KCNK2: variants seen among roughly 807,000 people sequenced by gnomAD.
KCNK2 encodes potassium two pore domain channel subfamily K member 2.
KCNK2 carries 21 observed loss-of-function variants against 40.5 expected under a neutral mutation model. The ratio of observed to expected loss-of-function variants is 0.52; its 90% CI spans 0.37 to 0.75. The LOEUF (loss-of-function observed/expected upper bound fraction) is 0.75, where lower values mean the gene tolerates loss of function less well. KCNK2 is among the 30% of genes least tolerant of loss of function. KCNK2 has a pLI of 0.00. For missense variants in KCNK2, 399 were observed against 531.6 expected (o/e 0.75, Z 2.45); for synonymous variants, 191 against 202.2 (o/e 0.94, Z 0.47).
chr1:215,105,401 A>G (rs534060192), intron 2 of KCNK2, among the ~76,000 whole-genome samples: 27 of 152,216 alleles, frequency 1.8e-4, no homozygotes, highest in Admixed American at 6.5e-4. Context: ...AGCATGTAAC[A>G]GGGTTTCCTT....
chr1:215,034,500 GT>G (rs531445743), intron 1 of KCNK2, among the ~76,000 whole-genome samples: 112 of 152,144 alleles, frequency 7.4e-4, no homozygotes, highest in South Asian at 8.3e-4. Context: ...GTAACCGTCT[GT>G]TTTTTGAAGG....
chr1:215,105,629 C>T (rs1258337759), intron 2 of KCNK2, among the ~76,000 whole-genome samples: 1 of 151,890 alleles, frequency 6.6e-6, no homozygotes, highest in Non-Finnish European at 1.5e-5. Context: ...AGTACATGTG[C>T]AGATTTGTTA....
At chr1:215,169,104 A>G in intron 3 of KCNK2, 95 bp from the exon 4 acceptor site, 3 of 870,472 alleles carry the variant, frequency 3.4e-6, no homozygotes, top group Non-Finnish European at 5.3e-6. Context: ...TCAATTATTG[A>G]TATCTTGCAA....
intron 1 of KCNK2, among the ~76,000 whole-genome samples, chr1:215,016,094 A>G (rs1004224218): frequency 6.6e-6 from 1 of 152,190 alleles, no homozygotes; most frequent in African/African-American, 2.4e-5. Flanking sequence ...CATGACTGAA[A>G]GTCAATAAAA....
rs369253571 is a variant in KCNK2, at chr1:215,207,430, C to T, written c.963+12338C>T. 5.9e-5 allele frequency among the ~76,000 whole-genome samples: 9 copies of T among 152,218 alleles called. No individual in the cohort carries two copies. In the East Asian group the frequency reaches 1.2e-3, roughly 20 times the overall value. On this transcript the variant is annotated intron_variant, in intron 6 of 6. Transcript: ENST00000444842. The stretch of plus-strand genomic sequence containing the variant: ...CCAGCTCTGTCCGTGGAAAAGTTAT[C>T]TTCCATGAAACCGGCCCCTGGTGCC...
chr1:215,053,134 A>T (rs2102500911), intron 1 of KCNK2, among the ~76,000 whole-genome samples: 1 of 152,314 alleles, frequency 6.6e-6, no homozygotes, highest in Non-Finnish European at 1.5e-5. Flanking sequence ...CAGGACGTGC[A>T]GGTTAGTTCA....
At chr1:215,173,401 G>A (rs1207649144) in intron 5 of KCNK2, among the ~76,000 whole-genome samples, 1 of 152,116 alleles carries the variant, frequency 6.6e-6, no homozygotes, top group East Asian at 1.9e-4. Flanking sequence ...CCAAGTCTTT[G>A]CTATTGTGAA....
At chr1:215,068,518 C>G (rs1209473802) in intron 1 of KCNK2, among the ~76,000 whole-genome samples, 1 of 152,050 alleles carries the variant, frequency 6.6e-6, no homozygotes, top group Non-Finnish European at 1.5e-5. Flanking sequence ...GTTTTTCACT[C>G]AACAAAAAGA....
intron 3 of KCNK2, among the ~76,000 whole-genome samples, chr1:215,152,835 C>T (rs975266616): frequency 6.6e-6 from 1 of 152,070 alleles, no homozygotes; most frequent in Non-Finnish European, 1.5e-5. Flanking sequence ...CATGTTTAGT[C>T]AGAGTTACTT....
chr1:215,184,306 T>C (rs925728272), intron 5 of KCNK2, among the ~76,000 whole-genome samples: 5 of 152,174 alleles, frequency 3.3e-5, no homozygotes, highest in Non-Finnish European at 7.4e-5. Context: ...ATAGTGATGA[T>C]AACAAAAATA....
Position 215,008,625 on chromosome 1 carries a change from A to G in KCNK2, c.34+2670A>G, listed in dbSNP as rs574635889. Among the ~76,000 whole-genome samples the G allele has an allele frequency of 6.6e-5, 10 of 152,252 alleles. No homozygotes were observed. The East Asian group carries it at 1.9e-3, about 29-fold the overall frequency. On this transcript the variant is annotated intron_variant, in intron 1 of 6. Transcript: ENST00000391895. ...AGATAATTAATGTCAACTTTTTGGT[A>G]GATAGTAAGCATGCGATAAGATGGT...
At chr1:215,067,431 T>A (rs1238035002) in intron 1 of KCNK2, among the ~76,000 whole-genome samples, 1 of 152,096 alleles carries the variant, frequency 6.6e-6, no homozygotes, top group Non-Finnish European at 1.5e-5. Flanking sequence ...AAGGACCTCA[T>A]TGTCAAGAGG....
chr1:215,140,668 C>T (rs114091222), intron 3 of KCNK2, among the ~76,000 whole-genome samples: 1,726 of 152,022 alleles, frequency 0.011, 21 homozygotes, highest in Admixed American at 0.019. Context: ...AGGGACTTAC[C>T]ATAAATGAGT....
chr1:215,060,856 A>G (rs1461365258), intron 1 of KCNK2, among the ~76,000 whole-genome samples: 1 of 152,190 alleles, frequency 6.6e-6, no homozygotes, highest in East Asian at 1.9e-4. Flanking sequence ...ACAATGAACT[A>G]TTTAAGCTAA....
At chr1:215,052,471 A>G (rs1407589962) in intron 1 of KCNK2, among the ~76,000 whole-genome samples, 1 of 152,202 alleles carries the variant, frequency 6.6e-6, no homozygotes, top group Non-Finnish European at 1.5e-5. Flanking sequence ...CAGGATAAAC[A>G]TTGGAATTTC....
rs35194601 is a variant in KCNK2, at chr1:215,233,451, T to TACACACACACAC, written c.964-1364_964-1353dup. 1.0e-3 allele frequency among the ~76,000 whole-genome samples: 154 copies of TACACACACACAC among 149,148 alleles called. 1 individual carries two copies. Among genetic ancestry groups the TACACACACACAC allele is most frequent in the African/African-American group, 3.6e-3 (146 of 40,642 alleles). On this transcript the variant is annotated intron_variant, in intron 6 of 6. Transcript: ENST00000444842. ...TTGAAGTTTCATTTCTGTTTTTGAG[T>TACACACACACAC]ACACACACACACACACACACACACG...
At chr1:215,168,059 A>T (rs2102632264) in intron 3 of KCNK2, among the ~76,000 whole-genome samples, 1 of 152,300 alleles carries the variant, frequency 6.6e-6, no homozygotes, top group Non-Finnish European at 1.5e-5. Flanking sequence ...AAAAGATATG[A>T]ACAGACACTT....
intron 1 of KCNK2, among the ~76,000 whole-genome samples, chr1:215,009,006 T>C (rs1656283908): frequency 6.6e-6 from 1 of 152,168 alleles, no homozygotes; most frequent in Non-Finnish European, 1.5e-5. Flanking sequence ...GCTAATTGAT[T>C]TTCCCTTTCA....
At chr1:215,115,327 A>G (rs990230031) in intron 2 of KCNK2, among the ~76,000 whole-genome samples, 5 of 152,116 alleles carry the variant, frequency 3.3e-5, no homozygotes, top group Non-Finnish European at 7.4e-5. Context: ...ATTATATTGG[A>G]AAAAAACGAG....
Sources: allele counts gnomAD v4.1 joint callset (sites outside exome capture counted in the v4.1 genomes callset), GRCh38; gene constraint gnomAD v4.1.1; transcripts MANE v1.5; gene names NCBI Gene and HGNC (gene_info 2026-07-23, HGNC 2026-07-21).